CARMIL1: variants seen among roughly 807,000 people sequenced by gnomAD.
The protein encoded by CARMIL1 is F-actin-uncapping protein LRRC16A.
In CARMIL1, 90 loss-of-function variants were observed where a neutral mutation model predicts 177.1. The ratio of observed to expected loss-of-function variants is 0.51; its 90% confidence interval spans 0.43 to 0.61. The LOEUF (loss-of-function observed/expected upper bound fraction) is 0.61, where lower values mean the gene tolerates loss of function less well. Ranked by LOEUF, CARMIL1 falls within the 20% of genes least tolerant of loss-of-function variation. CARMIL1 has a pLI of 0.00. For synonymous variants in CARMIL1, 577 were observed against 606.2 expected (o/e 0.95, Z 0.71); for missense variants, 1,380 against 1,667.0 (o/e 0.83, Z 3.00).
At chr6:25,332,763 A>ACACACACG (rs1554165901) in intron 2 of CARMIL1, among the ~76,000 whole-genome samples, 3 of 119,456 alleles carry the variant, frequency 2.5e-5, no homozygotes, top group African/African-American at 1.0e-4. Context: ...ACACACACAC[A>ACACACACG]CACACACACG....
chr6:25,290,369 CTTTTTTTTTTT>C (rs910242856), intron 2 of CARMIL1, among the ~76,000 whole-genome samples: 6 of 95,360 alleles, frequency 6.3e-5, no homozygotes, highest in East Asian at 3.1e-4. Flanking sequence ...TGCTGGGATT[CTTTTTTTTTTT>C]TTTTTTTTTT....
chr6:25,436,740 A>G (rs1056526227), intron 5 of CARMIL1, among the ~76,000 whole-genome samples: 1 of 152,090 alleles, frequency 6.6e-6, no homozygotes, highest in Non-Finnish European at 1.5e-5. Context: ...CTGGTTGTTC[A>G]CCTTGGGCTC....
At chr6:25,417,005 A>C (rs1795410358) in intron 2 of CARMIL1, among the ~76,000 whole-genome samples, 1 of 152,144 alleles carries the variant, frequency 6.6e-6, no homozygotes, top group Admixed American at 6.6e-5. Context: ...AATGGTGAGA[A>C]TAGGGGACTG....
chr6:25,348,542 G>A (rs1311027368), intron 2 of CARMIL1, among the ~76,000 whole-genome samples: 2 of 151,888 alleles, frequency 1.3e-5, no homozygotes, highest in African/African-American at 2.4e-5. Flanking sequence ...TGAGCACTTT[G>A]GGAGGCCGAG....
At chr6:25,317,182 C>T (rs9461139) in intron 2 of CARMIL1, among the ~76,000 whole-genome samples, 7,183 of 152,156 alleles carry the variant, frequency 0.047, 539 homozygotes, top group African/African-American at 0.16. Context: ...CAGTCTGTTG[C>T]CCAGGCTGAA....
intron 24 of CARMIL1, among the ~76,000 whole-genome samples, chr6:25,534,290 G>A (rs371585711): frequency 6.6e-6 from 1 of 151,906 alleles, no homozygotes; most frequent in Non-Finnish European, 1.5e-5. Context: ...GGGAAATGAC[G>A]CTCTGTGCCT....
chr6:25,500,585 G>A (rs375774768), intron 17 of CARMIL1, among the ~76,000 whole-genome samples: 4 of 152,102 alleles, frequency 2.6e-5, no homozygotes, highest in African/African-American at 9.7e-5. Context: ...GGACAAATGT[G>A]TATAACCTAA....
chr6:25,348,855 G>A (rs1295592809), intron 2 of CARMIL1, among the ~76,000 whole-genome samples: 1 of 152,122 alleles, frequency 6.6e-6, no homozygotes, highest in Non-Finnish European at 1.5e-5. Flanking sequence ...GTGAGTGATA[G>A]CAGTCATCTT....
Position 25,600,470 on chromosome 6 carries a change from C to G in CARMIL1, c.3276C>G (p.Pro1092=), listed in dbSNP as rs1582488863. 4 of 1,614,042 alleles carry G rather than the reference C, an allele frequency of 2.5e-6. No individual in the cohort carries two copies. In the Middle Eastern group the frequency reaches 4.9e-4, roughly 200 times the overall value. Residue 1092 remains proline, a synonymous_variant, in exon 33 of 37, where the codon CCC becomes CCG. Transcript: ENST00000329474. ...CAACGATCTTGATGACAGAAGAACC[C>G]TCCTCACCAAAAGGGGCAGTCAGAA... ...RPPTILMTEE[P]SSPKGAVRSP...
chr6:25,362,995 A>T (rs1464534922), intron 2 of CARMIL1, among the ~76,000 whole-genome samples: 1 of 152,196 alleles, frequency 6.6e-6, no homozygotes, highest in Non-Finnish European at 1.5e-5. Context: ...AGATTGCACC[A>T]CTGCACCCCA....
chr6:25,380,869 A>G (rs547257630), intron 2 of CARMIL1, among the ~76,000 whole-genome samples: 1 of 152,290 alleles, frequency 6.6e-6, no homozygotes, highest in Admixed American at 6.5e-5. Context: ...GCCTTGGACC[A>G]CATGAAATAT....
intron 2 of CARMIL1, among the ~76,000 whole-genome samples, chr6:25,304,734 C>T (rs962267270): frequency 6.6e-6 from 1 of 152,214 alleles, no homozygotes; most frequent in African/African-American, 2.4e-5. Context: ...TAGGAAAATA[C>T]TTCCTTTGGT....
chr6:25,369,031 A>G (rs1293118696), intron 2 of CARMIL1, among the ~76,000 whole-genome samples: 3 of 152,278 alleles, frequency 2.0e-5, no homozygotes, highest in South Asian at 2.1e-4. Flanking sequence ...TTACATGATT[A>G]GATCACATGT....
intron 8 of CARMIL1, among the ~76,000 whole-genome samples, chr6:25,455,029 G>A (rs1211335026): frequency 6.6e-6 from 1 of 152,156 alleles, no homozygotes; most frequent in African/African-American, 2.4e-5. Context: ...CAAATATGGG[G>A]AGTCATTCTC....
At chr6:25,329,303 G>C (rs979115033) in intron 2 of CARMIL1, among the ~76,000 whole-genome samples, 6 of 152,128 alleles carry the variant, frequency 3.9e-5, no homozygotes, top group African/African-American at 1.2e-4. Flanking sequence ...TTGTGACCAG[G>C]CTCTTTCTTT....
intron 3 of CARMIL1, among the ~76,000 whole-genome samples, chr6:25,421,253 G>A (rs1420119311): frequency 6.6e-6 from 1 of 152,146 alleles, no homozygotes; most frequent in Non-Finnish European, 1.5e-5. Context: ...CATTTATGCA[G>A]CCAAAAAACA....
At chr6:25,418,800 C>T (rs773200528) in intron 2 of CARMIL1, among the ~76,000 whole-genome samples, 5 of 152,090 alleles carry the variant, frequency 3.3e-5, no homozygotes, top group South Asian at 2.1e-4. Context: ...ATAACTGTGA[C>T]GGTGGCATTT....
At position 25,515,813 on chromosome 6, in the gene CARMIL1, C is replaced by T; in HGVS notation, c.1771C>T (p.Leu591=). ...AATGGGGGACATGGGAGCGAAGATG[C>T]TGGCCAAAGCACTGCAGATCAACAC... ...NGMGDMGAKM[L]AKALQINTKL... The change falls in exon 21 of 37, where the codon CTG becomes TTG. Residue 591 remains leucine, a synonymous_variant. Coordinates refer to ENST00000329474, the MANE Select transcript of CARMIL1 (RefSeq NM_017640.6). This position sits in a 1 kb window ranked among gnomAD's most constrained non-coding sequence, Gnocchi z 5.0. 1 of 1,609,772 alleles carries T rather than the reference C, an allele frequency of 6.2e-7. No homozygotes were observed. The highest frequency in any genetic ancestry group is 8.5e-7 in the Non-Finnish European group (1 of 1,178,180).
At chr6:25,495,855 T>C (rs1383572617) in intron 16 of CARMIL1, among the ~76,000 whole-genome samples, 2 of 152,172 alleles carry the variant, frequency 1.3e-5, no homozygotes, top group African/African-American at 4.8e-5. Context: ...AAAAGTTTAG[T>C]GTACAAGTTC....
Sources: gnomAD v4.1 joint callset for allele counts (sites outside exome capture counted in the v4.1 genomes callset) on GRCh38, gnomAD v4.1.1 for gene constraint, Gnocchi (gnomAD v3.1) non-coding constraint, MANE v1.5 for transcripts, NCBI Gene and HGNC (gene_info 2026-07-23, HGNC 2026-07-21) for gene names.